Variants in PGAP1 observed in about 807,000 individuals in gnomAD.
PGAP1 encodes the protein post-GPI attachment to proteins inositol deacylase 1.
In PGAP1, 76 loss-of-function variants were observed where a neutral mutation model predicts 127.0. The ratio of observed to expected loss-of-function variants is 0.60; its 90% CI spans 0.50 to 0.72. The LOEUF (loss-of-function observed/expected upper bound fraction) is 0.72, where lower values mean the gene tolerates loss of function less well. PGAP1 is among the 30% of genes least tolerant of loss of function. The pLI, the probability that PGAP1 is intolerant of heterozygous loss-of-function variation, is 0.00. For missense variants in PGAP1, 982 were observed against 1,071.3 expected (o/e 0.92, Z 1.16); for synonymous variants, 362 against 366.5 (o/e 0.99, Z 0.14).
At chr2:196,865,865 C>G (rs1207334696) in intron 19 of PGAP1, among the ~76,000 whole-genome samples, 2 of 152,116 alleles carry the variant, frequency 1.3e-5, no homozygotes, top group Non-Finnish European at 2.9e-5. Context: ...GAGTAACTCC[C>G]ATTCACAATT....
At chr2:196,868,955 G>T (rs554695492) in intron 19 of PGAP1, among the ~76,000 whole-genome samples, 2 of 152,164 alleles carry the variant, frequency 1.3e-5, no homozygotes, top group African/African-American at 2.4e-5. Context: ...AATAATTTGA[G>T]AATTTAATTC....
At chr2:196,864,722 T>C (rs895672497) in intron 20 of PGAP1, among the ~76,000 whole-genome samples, 1 of 152,166 alleles carries the variant, frequency 6.6e-6, no homozygotes, top group Non-Finnish European at 1.5e-5. Flanking sequence ...TGGTGGTTGA[T>C]AGTGGAAACG....
At position 196,836,078 on chromosome 2, in the gene PGAP1, A is replaced by G. The variant is rs1401288122; in HGVS notation, c.*5156T>C. 1 of 152,242 alleles carries G rather than the reference A, an allele frequency of 6.6e-6. No individual in the cohort carries two copies. Among genetic ancestry groups the G allele is most frequent in the Non-Finnish European group, 1.5e-5 (1 of 67,938 alleles). 9.4% of individuals were successfully genotyped at this position (152,242 alleles called of 1,614,324 possible). A position where few individuals can be genotyped will look rare whatever the true frequency, so the allele number is the denominator to read the frequency against. ...AATTCAAATACGCAAACAAATCTAC[A>G]CTAACTAATCAAAACACACCAACAG... On this transcript the variant is annotated 3_prime_UTR_variant, in exon 27 of 27. Coordinates refer to ENST00000354764, the MANE Select transcript of PGAP1 (RefSeq NM_024989.4).
chr2:196,852,048 C>A (rs1386294215), intron 20 of PGAP1, among the ~76,000 whole-genome samples: 1 of 152,032 alleles, frequency 6.6e-6, no homozygotes, highest in Non-Finnish European at 1.5e-5. Context: ...CATATAGGGG[C>A]CCAATTTTGT....
intron 23 of PGAP1, among the ~76,000 whole-genome samples, chr2:196,844,831 A>G (rs988391485): frequency 2.0e-5 from 3 of 152,124 alleles, no homozygotes; most frequent in African/African-American, 7.2e-5. Flanking sequence ...AAACTTCTGG[A>G]GTATGGTGGG....
At chr2:196,888,180 A>G (rs1197114745) in intron 10 of PGAP1, among the ~76,000 whole-genome samples, 1 of 152,232 alleles carries the variant, frequency 6.6e-6, no homozygotes, top group African/African-American at 2.4e-5. Context: ...AAGTTATTCA[A>G]GGATTATTGA....
intron 10 of PGAP1, among the ~76,000 whole-genome samples, chr2:196,890,277 AAAC>A (rs1702056562): frequency 1.3e-5 from 2 of 152,318 alleles, no homozygotes; most frequent in South Asian, 2.1e-4. Flanking sequence ...CAGCATTTTT[AAAC>A]AACATCACAT....
Position 196,847,033 on chromosome 2 carries a change from A to C in PGAP1, c.2120T>G (p.Leu707Arg), listed in dbSNP as rs758087250. 1 of 1,613,572 alleles carries C rather than the reference A, an allele frequency of 6.2e-7. No homozygotes were observed. Among genetic ancestry groups the C allele is most frequent in the South Asian group, 1.1e-5 (1 of 90,978 alleles). Residue 707 changes from leucine (L) to arginine (R), a missense_variant, in exon 22 of 27, where the codon CTT (leucine) becomes CGT (arginine). Transcript: ENST00000354764. ...CAAAGCTAGCCACAATGAAGAAAGA[A>C]GTCTCACAGATGCAGAAGACAGTAG... is the stretch of plus-strand genomic sequence containing the variant. ...SGLLSSASVRLLSSLWLALKR... is the reference protein window; with the variant it reads ...SGLLSSASVRRLSSLWLALKR...
intron 25 of PGAP1, among the ~76,000 whole-genome samples, chr2:196,843,683 C>T (rs529769781): frequency 1.3e-5 from 2 of 152,004 alleles, no homozygotes; most frequent in Non-Finnish European, 2.9e-5. Flanking sequence ...GAGCTGAGAT[C>T]GCGCCACTGC....
intron 20 of PGAP1, among the ~76,000 whole-genome samples, chr2:196,850,502 T>A (rs1208430768): frequency 6.6e-6 from 1 of 152,148 alleles, no homozygotes; most frequent in Non-Finnish European, 1.5e-5. Flanking sequence ...AGTGAGGAAT[T>A]TTCTTGGGGA....
chr2:196,898,253 C>A, intron 6 of PGAP1, 64 bp downstream of exon 6: 3 of 1,069,058 alleles, frequency 2.8e-6, no homozygotes, highest in Non-Finnish European at 4.2e-6. Context: ...AATTAAATTA[C>A]TGCATTGAGG....
At chr2:196,913,406 T>C (rs1170361020) in intron 3 of PGAP1, among the ~76,000 whole-genome samples, 1 of 152,234 alleles carries the variant, frequency 6.6e-6, no homozygotes, top group African/African-American at 2.4e-5. Context: ...AGAAATCGGA[T>C]AATTTGTTTG....
At chr2:196,848,800 C>A (rs1160732667) in intron 20 of PGAP1, among the ~76,000 whole-genome samples, 1 of 152,034 alleles carries the variant, frequency 6.6e-6, no homozygotes, top group South Asian at 2.1e-4. Context: ...TATATGCTTT[C>A]ATTTTTCTTG....
chr2:196,847,458 C>CT lies in PGAP1; in HGVS notation c.1953-259dup, dbSNP rs3839045. On this transcript the variant is annotated intron_variant, in intron 21 of 26. Transcript: ENST00000354764. Reference sequence around the variant, plus strand: ...TGATACTAGTAGAAAGTAATATGTTCTTTTTTTTTTTTTTTTTAGAAAGCC... The same window carrying CT: ...TGATACTAGTAGAAAGTAATATGTTCTTTTTTTTTTTTTTTTTTAGAAAGCC... 0.13 allele frequency: 17,171 copies of CT among 136,276 alleles called. 949 individuals are homozygous for CT. Among genetic ancestry groups the CT allele is most frequent in the South Asian group, 0.2 (888 of 4,354 alleles). The allele number at this position is 136,276 out of a possible 1,614,324, so 8.4% of individuals were successfully genotyped here. A position where few individuals can be genotyped will look rare whatever the true frequency, so the allele number is the denominator to read the frequency against.
chr2:196,835,062 T>G lies in PGAP1; in HGVS notation c.*6172A>C, dbSNP rs928151885. On this transcript the variant is annotated 3_prime_UTR_variant, in exon 27 of 27. Transcript: ENST00000354764. ...TGGGGAAAACTATAATATGAGGAACTGAAATTTCCTTAGAATCTTTATGGG... is the reference window on the plus strand; with the variant it reads ...TGGGGAAAACTATAATATGAGGAACGGAAATTTCCTTAGAATCTTTATGGG... The G allele has an allele frequency of 2.6e-5, 4 of 152,006 alleles. No homozygotes were observed. The highest frequency in any genetic ancestry group is 9.7e-5 in the African/African-American group (4 of 41,450). The allele number at this position is 152,006 out of a possible 1,614,324, so 9.4% of individuals were successfully genotyped here.
chr2:196,837,859 C>G lies in PGAP1; in HGVS notation c.*3375G>C, dbSNP rs1466234617. The G allele has an allele frequency of 4.0e-5, 6 of 151,704 alleles. No homozygotes were observed. Among genetic ancestry groups the G allele is most frequent in the African/African-American group, 1.5e-4 (6 of 41,294 alleles). 9.4% of individuals were successfully genotyped at this position (151,704 alleles called of 1,614,324 possible). ...ATTATATAGATCTGAATTTGTCTAGCCAAAATATGAAAAAATAAAGATTAA... is the reference window on the plus strand; with the variant it reads ...ATTATATAGATCTGAATTTGTCTAGGCAAAATATGAAAAAATAAAGATTAA... On this transcript the variant is annotated 3_prime_UTR_variant, in exon 27 of 27. Transcript: ENST00000354764.
intron 7 of PGAP1, among the ~76,000 whole-genome samples, chr2:196,894,456 T>G (rs1702206091): frequency 6.6e-6 from 1 of 152,204 alleles, no homozygotes; most frequent in Admixed American, 6.5e-5. Context: ...ATTTGTTTGA[T>G]TTTCTTAAGG....
rs754313168 is a variant in PGAP1 at position 196,892,347 on chromosome 2, T to C, written c.1088A>G (p.Asn363Ser). 1 of 1,416,448 alleles carries C rather than the reference T, an allele frequency of 7.1e-7. No homozygotes were observed. Among genetic ancestry groups the C allele is most frequent in the South Asian group, 1.3e-5 (1 of 77,412 alleles). 87.7% of individuals were successfully genotyped at this position (1,416,448 alleles called of 1,614,324 possible). A position where few individuals can be genotyped will look rare whatever the true frequency, so the allele number is the denominator to read the frequency against. Residue 363 changes from asparagine to serine, a missense_variant and splice_region_variant, in exon 9 of 27, where the codon AAC (asparagine) becomes AGC (serine). Coordinates refer to ENST00000354764, the MANE Select transcript of PGAP1 (RefSeq NM_024989.4). ...AAAATCCATTGGTGGAATACTTACG[T>C]TGTAAGCTACATAGGTCCATTTGGA... ...KVSKWTYVAY[N>S]ESEKIYFTFP... is the part of the protein sequence containing the mutation.
intron 19 of PGAP1, among the ~76,000 whole-genome samples, chr2:196,866,710 G>A (rs1212642951): frequency 6.6e-6 from 1 of 151,942 alleles, no homozygotes; most frequent in Admixed American, 6.6e-5. Context: ...GAAAATTTTT[G>A]CAATCTATTC....
Sources: gnomAD v4.1 joint callset for allele counts (sites outside exome capture counted in the v4.1 genomes callset) on GRCh38, gnomAD v4.1.1 for gene constraint, MANE v1.5 for transcripts, NCBI Gene and HGNC (gene_info 2026-07-23, HGNC 2026-07-21) for gene names.